Variants in FRMD4A observed in about 807,000 individuals in gnomAD.
The protein encoded by FRMD4A is FERM domain-containing protein 4A.
Under a neutral mutation model 129.1 loss-of-function variants are expected in FRMD4A, and 29 were observed. That is an observed-to-expected ratio of 0.22 (90% CI 0.17 to 0.31). FRMD4A has a LOEUF of 0.31. Among genes scored for constraint, FRMD4A ranks in the 10% least tolerant of loss-of-function variants. The probability of loss-of-function intolerance (pLI) is 1.00; values close to 1 mark genes in which losing one functional copy is unlikely to be tolerated. For missense variants in FRMD4A, 1,272 were observed against 1,375.8 expected (o/e 0.92, Z 1.19); for synonymous variants, 634 against 571.6 (o/e 1.11, Z -1.56).
At chr10:14,316,695 T>C (rs993215278) in intron 2 of FRMD4A, among the ~76,000 whole-genome samples, 3 of 152,102 alleles carry the variant, frequency 2.0e-5, no homozygotes, top group Non-Finnish European at 4.4e-5. Context: ...AGGAAGCATA[T>C]TGAACAGTTG....
At chr10:14,033,683 G>A (rs1278790815) in intron 2 of FRMD4A, among the ~76,000 whole-genome samples, 5 of 152,110 alleles carry the variant, frequency 3.3e-5, no homozygotes, top group Admixed American at 3.3e-4. Context: ...TACGTGGGAG[G>A]CTGAGGCAGG....
chr10:14,261,737 T>G (rs1844807311), intron 2 of FRMD4A, among the ~76,000 whole-genome samples: 1 of 152,192 alleles, frequency 6.6e-6, no homozygotes, highest in African/African-American at 2.4e-5. Context: ...TTAATTTCTC[T>G]GGACCTTAGT....
At chr10:13,930,901 C>G (rs998618286) in intron 2 of FRMD4A, among the ~76,000 whole-genome samples, 1 of 152,104 alleles carries the variant, frequency 6.6e-6, no homozygotes, top group Non-Finnish European at 1.5e-5. Flanking sequence ...GGTGCCATCA[C>G]AGCTTACTGC....
At chr10:14,253,084 C>T (rs1844493450) in intron 2 of FRMD4A, among the ~76,000 whole-genome samples, 1 of 152,016 alleles carries the variant, frequency 6.6e-6, no homozygotes, top group African/African-American at 2.4e-5. Flanking sequence ...ATTCTTTTGA[C>T]ATTTATTGAC....
intron 2 of FRMD4A, among the ~76,000 whole-genome samples, chr10:14,093,827 T>C (rs190464927): frequency 5.9e-5 from 9 of 152,340 alleles, no homozygotes; most frequent in South Asian, 2.1e-4. Flanking sequence ...CAATTAGATA[T>C]CCTAGAATGT....
intron 2 of FRMD4A, among the ~76,000 whole-genome samples, chr10:13,954,621 A>G (rs1174947821): frequency 6.6e-6 from 1 of 152,082 alleles, no homozygotes; most frequent in African/African-American, 2.4e-5. Context: ...GAGAGGAGAA[A>G]TTCCCCTTCC....
chr10:14,191,048 C>T (rs575063733), intron 2 of FRMD4A, among the ~76,000 whole-genome samples: 13 of 152,304 alleles, frequency 8.5e-5, no homozygotes, highest in African/African-American at 3.1e-4. Flanking sequence ...TTTTATCTCA[C>T]AGGTGGAGAG....
At chr10:14,044,533 A>G (rs1833908235) in intron 2 of FRMD4A, among the ~76,000 whole-genome samples, 1 of 152,230 alleles carries the variant, frequency 6.6e-6, no homozygotes, top group African/African-American at 2.4e-5. Flanking sequence ...CATAGAAAGA[A>G]CACCATATGA....
chr10:14,176,599 C>T lies in FRMD4A; in HGVS notation c.45+153459G>A, dbSNP rs572877948. Among the ~76,000 whole-genome samples the T allele has an allele frequency of 1.8e-3, 268 of 151,606 alleles. 2 individuals are homozygous for T. The highest frequency in any genetic ancestry group is 6.0e-3 in the African/African-American group (248 of 41,310). ...ATGTGATTCTTCTGCCTCAGCCTCC[C>T]GAGTAGCTGGGATTATAGGCACGCA... On this transcript the variant is annotated intron_variant, in intron 2 of 24. Coordinates refer to ENST00000357447, the MANE Select transcript of FRMD4A (RefSeq NM_018027.5).
intron 15 of FRMD4A, chr10:13,684,994 TAAA>T: frequency 1.0e-6 from 1 of 982,658 alleles, no homozygotes; most frequent in Non-Finnish European, 1.2e-6. Flanking sequence ...TTCTTTATGA[TAAA>T]AAGATATTTA....
At chr10:13,759,586 C>T (rs989179456) in intron 8 of FRMD4A, among the ~76,000 whole-genome samples, 1 of 152,108 alleles carries the variant, frequency 6.6e-6, no homozygotes, top group Non-Finnish European at 1.5e-5. Flanking sequence ...GTTTTTAAAT[C>T]ATTTTTTCAT....
At chr10:14,007,965 A>AC (rs1221597240) in intron 2 of FRMD4A, 2 of 1,256,250 alleles carry the variant, frequency 1.6e-6, no homozygotes, top group African/African-American at 3.1e-5. Flanking sequence ...TGTTCAGGAA[A>AC]CGTGAGTAAC....
At chr10:14,089,980 T>C (rs1836565536) in intron 2 of FRMD4A, among the ~76,000 whole-genome samples, 1 of 152,262 alleles carries the variant, frequency 6.6e-6, no homozygotes, top group South Asian at 2.1e-4. Context: ...AGGGCCGATA[T>C]TCTCTAGAAG....
At chr10:13,832,884 C>T (rs7910870) in intron 3 of FRMD4A, among the ~76,000 whole-genome samples, 2,059 of 152,344 alleles carry the variant, frequency 0.014, 46 homozygotes, top group African/African-American at 0.047. Flanking sequence ...AAGCAATCCT[C>T]CCACCTCAGC....
At chr10:14,279,172 A>C (rs1003004193) in intron 2 of FRMD4A, among the ~76,000 whole-genome samples, 1 of 142,138 alleles carries the variant, frequency 7.0e-6, no homozygotes, top group Non-Finnish European at 1.5e-5. Flanking sequence ...GCCCCTGAGG[A>C]GGAAGCGGGA....
chr10:13,907,504 G>T (rs1414629910), intron 2 of FRMD4A, among the ~76,000 whole-genome samples: 3 of 152,076 alleles, frequency 2.0e-5, no homozygotes, highest in Non-Finnish European at 4.4e-5. Context: ...CAGACAAAAT[G>T]AAATGCCACA....
intron 2 of FRMD4A, among the ~76,000 whole-genome samples, chr10:14,296,556 C>T (rs753835900): frequency 2.6e-4 from 40 of 152,278 alleles, no homozygotes; most frequent in Admixed American, 5.2e-4. Flanking sequence ...GATGATCCCA[C>T]GCATACCAGT....
intron 2 of FRMD4A, among the ~76,000 whole-genome samples, chr10:14,160,100 G>A (rs1406353394): frequency 2.6e-5 from 4 of 152,054 alleles, no homozygotes; most frequent in African/African-American, 9.7e-5. Flanking sequence ...CATGATATTG[G>A]TATAAAAACA....
chr10:13,861,796 T>A (rs1325961785), intron 2 of FRMD4A, among the ~76,000 whole-genome samples: 1 of 152,208 alleles, frequency 6.6e-6, no homozygotes, highest in Admixed American at 6.5e-5. Context: ...ACTTAATTTT[T>A]AAAAATCCAT....
Sources: gnomAD v4.1 joint callset for allele counts (sites outside exome capture counted in the v4.1 genomes callset) on GRCh38, gnomAD v4.1.1 for gene constraint, MANE v1.5 for transcripts, NCBI Gene and HGNC (gene_info 2026-07-23, HGNC 2026-07-21) for gene names.